CLEC12B: variants seen among roughly 807,000 people sequenced by gnomAD.
The protein encoded by CLEC12B is C-type lectin domain family 12 member B, also known as macrophage antigen h.
A neutral mutation model predicts 36.1 loss-of-function variants in CLEC12B; 25 were observed. That is an observed-to-expected ratio of 0.69 (90% CI 0.50 to 0.97). The LOEUF is 0.97. Among genes scored for constraint, CLEC12B ranks in the 50% least tolerant of loss-of-function variants. The probability of loss-of-function intolerance (pLI) is 0.00; values close to 1 mark genes in which losing one functional copy is unlikely to be tolerated. For missense variants in CLEC12B, 325 were observed against 318.4 expected, an observed-to-expected ratio of 1.02 and a Z score of -0.16; for synonymous variants, 110 against 108.5, an observed-to-expected ratio of 1.01 and a Z score of -0.09.
chr12:10,014,676 G>A lies in CLEC12B; in HGVS notation c.344G>A (p.Ser115Asn). The A allele has an allele frequency of 6.2e-7, 1 of 1,613,752 alleles. No individual in the cohort carries two copies. ...EEEFLKSQIS[S>N]VLKRQEQMAI... Reference sequence around the variant, plus strand: ...GAATTTCTCAAGTCACAGATCTCCAGTGTACTGAAGAGGCAGGAACAAATG... The same window carrying A: ...GAATTTCTCAAGTCACAGATCTCCAATGTACTGAAGAGGCAGGAACAAATG... Residue 115 changes from serine to asparagine, a missense_variant, in exon 3 of 6, where the codon AGT becomes AAT. By Grantham distance (46) the Ser-to-Asn change is conservative (BLOSUM62 1). Transcript: ENST00000338896.
upstream of CLEC12B, among the ~76,000 whole-genome samples, chr12:10,010,141 T>TACCA (rs1865288086): frequency 6.6e-6 from 1 of 151,398 alleles, no homozygotes; most frequent in Non-Finnish European, 1.5e-5. Flanking sequence ...CATGCTCCAT[T>TACCA]ACCAACACCA....
Position 10,013,052 on chromosome 12 carries a change from A to G in CLEC12B, c.190+169A>G, listed in dbSNP as rs567951247. The G allele has an allele frequency of 2.4e-4, 149 of 631,460 alleles. No homozygotes were observed. The Middle Eastern group carries it at 6.8e-3, about 29-fold the overall frequency. The allele number at this position is 631,460 out of a possible 1,614,324, so 39.1% of individuals were successfully genotyped here. A position where few individuals can be genotyped will look rare whatever the true frequency, so the allele number is the denominator to read the frequency against. On this transcript the variant is annotated intron_variant, in intron 2 of 5. Coordinates refer to ENST00000338896, the MANE Select transcript of CLEC12B (RefSeq NM_001129998.3). The stretch of plus-strand genomic sequence containing the variant: ...TATCTTCCCAAAAAACCGGCAAAAG[A>G]CATTATCAGGATTTGGTTCTAAATT...
At chr12:10,010,198 T>TCACACACACACA (rs750091791), upstream of CLEC12B, among the ~76,000 whole-genome samples, 1,414 of 96,746 alleles carry the variant, frequency 0.015, 6 homozygotes, top group Non-Finnish European at 0.019. Flanking sequence ...TCTGTCTCTC[T>TCACACACACACA]CTCACACACA....
chr12:10,009,308 C>A (rs1865270016), upstream of CLEC12B, among the ~76,000 whole-genome samples: 1 of 151,666 alleles, frequency 6.6e-6, no homozygotes, highest in South Asian at 2.1e-4. Flanking sequence ...GTCAGCGAGA[C>A]CAGGAACCCA....
intron 2 of CLEC12B, 140 bp from the exon 3 acceptor site, chr12:10,014,383 G>C: frequency 3.4e-6 from 2 of 580,688 alleles, no homozygotes; most frequent in Non-Finnish European, 6.1e-6. Flanking sequence ...AAGGCATCTG[G>C]TTTGTTTCTT....
intron 5 of CLEC12B, chr12:10,017,011 C>A: frequency 1.0e-6 from 1 of 983,028 alleles, no homozygotes; most frequent in Non-Finnish European, 1.2e-6. Flanking sequence ...GAATAATAAT[C>A]ACTCATCTTC....
At position 10,014,808 on chromosome 12, in the gene CLEC12B, G is replaced by A. The variant is rs532358983; in HGVS notation, c.409+67G>A. 17 of 1,054,362 alleles carry A rather than the reference G, an allele frequency of 1.6e-5. No individual in the cohort carries two copies. In the African/African-American group the frequency reaches 2.5e-4, roughly 15 times the overall value. 65.3% of individuals were successfully genotyped at this position (1,054,362 alleles called of 1,614,324 possible). A position where few individuals can be genotyped will look rare whatever the true frequency, so the allele number is the denominator to read the frequency against. On this transcript the variant is annotated intron_variant, in intron 3 of 5. Coordinates refer to ENST00000338896, the MANE Select transcript of CLEC12B (RefSeq NM_001129998.3). ...TTATCCTGGTCTAAGTTGATCACAT[G>A]TACCACCTAAGAGTATTGAGAGAGT... is the stretch of plus-strand genomic sequence containing the variant.
chr12:10,007,937 G>A (rs1865250331), upstream of CLEC12B, among the ~76,000 whole-genome samples: 1 of 152,218 alleles, frequency 6.6e-6, no homozygotes, highest in Non-Finnish European at 1.5e-5. Flanking sequence ...AGTTGGCATG[G>A]TCAGTGAAGT....
chr12:10,009,720 A>G (rs1253564984), upstream of CLEC12B, among the ~76,000 whole-genome samples: 18 of 152,236 alleles, frequency 1.2e-4, no homozygotes, highest in Non-Finnish European at 4.4e-5. Flanking sequence ...ACCTTTGACT[A>G]AGATAATCTC....
upstream of CLEC12B, chr12:10,010,517 A>G: frequency 3.1e-6 from 1 of 324,664 alleles, no homozygotes; most frequent in Non-Finnish European, 5.9e-6. Flanking sequence ...GTTCTGACAG[A>G]GCAGACAGTT....
Position 10,014,511 on chromosome 12 carries a change from CA to C in CLEC12B, c.191-11del. 1 of 1,583,064 alleles carries C rather than the reference CA, an allele frequency of 6.3e-7. No individual in the cohort carries two copies. On this transcript the variant is annotated splice_polypyrimidine_tract_variant and intron_variant, in intron 2 of 5. Transcript: ENST00000338896. ...AAGAATATATGAACTTGTCTCCTGT[CA>C]TGTCTTGGAGTTTTGCAGATATCTA... is the stretch of plus-strand genomic sequence containing the variant.
chr12:10,017,633 G>A, intron 5 of CLEC12B: 1 of 985,978 alleles, frequency 1.0e-6, no homozygotes, highest in Non-Finnish European at 1.2e-6. Context: ...CTGAGTAAAG[G>A]CCAAGGCTAA....
intron 2 of CLEC12B, among the ~76,000 whole-genome samples, chr12:10,014,080 T>G (rs917140686): frequency 6.6e-6 from 1 of 152,166 alleles, no homozygotes; most frequent in African/African-American, 2.4e-5. Flanking sequence ...GATATGCCAT[T>G]AAGATCTGCT....
chr12:10,018,585 T>G lies in CLEC12B; in HGVS notation c.*104T>G. ...GAGCCAAACCAGCTTTTAAAATGAC[T>G]GTGTATTTACATTATCAGACAAATG... is the stretch of plus-strand genomic sequence containing the variant. On this transcript the variant is annotated 3_prime_UTR_variant, in exon 6 of 6. Transcript: ENST00000338896. 1 of 896,938 alleles carries G rather than the reference T, an allele frequency of 1.1e-6. No individual in the cohort carries two copies. Among genetic ancestry groups the G allele is most frequent in the Non-Finnish European group, 1.7e-6 (1 of 583,214 alleles). The allele number at this position is 896,938 out of a possible 1,614,324, so 55.6% of individuals were successfully genotyped here.
At chr12:10,010,548 T>C (rs1075996), upstream of CLEC12B, 126,632 of 399,652 alleles carry the variant, frequency 0.32, 21,280 homozygotes, top group African/African-American at 0.37. Context: ...AACATTCTAA[T>C]GAGAATATCT....
intron 2 of CLEC12B, among the ~76,000 whole-genome samples, chr12:10,014,106 G>T (rs1455480110): frequency 6.6e-6 from 1 of 151,936 alleles, no homozygotes; most frequent in Non-Finnish European, 1.5e-5. Flanking sequence ...TTTTCTTTTG[G>T]TAAACAAGCA....
upstream of CLEC12B, among the ~76,000 whole-genome samples, chr12:10,009,591 G>A (rs986130020): frequency 6.7e-6 from 1 of 149,740 alleles, no homozygotes; most frequent in South Asian, 2.1e-4. Context: ...ACATGAACAA[G>A]TAACATATGT....
At position 10,013,830 on chromosome 12, in the gene CLEC12B, CAG is replaced by C. The variant is rs1865401452; in HGVS notation, c.191-691_191-690del. 2.0e-5 allele frequency among the ~76,000 whole-genome samples: 3 copies of C among 152,268 alleles called. No homozygotes were observed. In the South Asian group the frequency reaches 6.2e-4, roughly 32 times the overall value. On this transcript the variant is annotated intron_variant, in intron 2 of 5. Transcript: ENST00000338896. ...GAATATGATGTTCAAGCAGCAGTAA[CAG>C]ATATTCTGGAGCCAATCAGTATGAG...
chr12:10,012,181 G>C (rs1865345603), intron 1 of CLEC12B, among the ~76,000 whole-genome samples: 1 of 152,132 alleles, frequency 6.6e-6, no homozygotes. Context: ...ATTGTTAACA[G>C]GTAAAAGATA....
Sources: allele counts gnomAD v4.1 joint callset (sites outside exome capture counted in the v4.1 genomes callset), GRCh38; gene constraint gnomAD v4.1.1; transcripts MANE v1.5; gene names NCBI Gene and HGNC (gene_info 2026-07-23, HGNC 2026-07-21).